TNIK: variants seen among roughly 807,000 people sequenced by gnomAD.
The protein encoded by TNIK is TRAF2 and NCK-interacting protein kinase.
A neutral mutation model predicts 191.3 loss-of-function variants in TNIK; 49 were observed. The observed-to-expected ratio is 0.26, with a 90% CI of 0.20 to 0.32. The LOEUF (loss-of-function observed/expected upper bound fraction) is 0.32. Among genes scored for constraint, TNIK ranks in the 10% least tolerant of loss-of-function variants. The pLI is 1.00. For synonymous variants in TNIK, 594 were observed against 600.9 expected, an observed-to-expected ratio of 0.99 and a Z score of 0.17; for missense variants, 1,155 against 1,702.3, an observed-to-expected ratio of 0.68 and a Z score of 5.66.
At chr3:171,307,060 G>A (rs1753531028) in intron 2 of TNIK, among the ~76,000 whole-genome samples, 1 of 152,106 alleles carries the variant, frequency 6.6e-6, no homozygotes, top group Non-Finnish European at 1.5e-5. Context: ...CACGGCCAGA[G>A]GTTGATAGTA....
At position 171,157,549 on chromosome 3, in the gene TNIK, G is replaced by T; in HGVS notation, c.1132C>A (p.Arg378=). The T allele has an allele frequency of 1.3e-6, 2 of 1,563,430 alleles. No individual in the cohort carries two copies. Among genetic ancestry groups the T allele is most frequent in the Admixed American group, 1.9e-5 (1 of 52,572 alleles). ...LRRQQLEQQQ[R]ENEEHKRQLL... is the part of the protein sequence containing the mutation. ...TGCCGCTTGTGCTCCTCATTCTCCC[G>T]CTGCTGCTGCTCCAGCTGCTGCCTC... The change falls in exon 12 of 33, where the codon CGG becomes AGG. Residue 378 remains arginine (R), a synonymous_variant. Coordinates refer to ENST00000436636, the MANE Select transcript of TNIK (RefSeq NM_015028.4).
chr3:171,282,420 C>A (rs983653925), intron 2 of TNIK, among the ~76,000 whole-genome samples: 2 of 148,980 alleles, frequency 1.3e-5, no homozygotes, highest in South Asian at 2.1e-4. Flanking sequence ...CAGCTCACTG[C>A]AACCTCCAAC....
At chr3:171,300,605 C>T (rs1173764349) in intron 2 of TNIK, among the ~76,000 whole-genome samples, 1 of 152,122 alleles carries the variant, frequency 6.6e-6, no homozygotes, top group Admixed American at 6.5e-5. Flanking sequence ...GCTGATAAAA[C>T]TCACAGTGCA....
intron 1 of TNIK, among the ~76,000 whole-genome samples, chr3:171,388,916 A>G (rs1420541127): frequency 6.6e-6 from 1 of 151,998 alleles, no homozygotes; most frequent in Non-Finnish European, 1.5e-5. Flanking sequence ...TGGTATCTCT[A>G]GTTTTTTAAC....
At chr3:171,314,645 G>T (rs1754403447) in intron 2 of TNIK, among the ~76,000 whole-genome samples, 1 of 152,140 alleles carries the variant, frequency 6.6e-6, no homozygotes, top group Non-Finnish European at 1.5e-5. Flanking sequence ...CTGCATGCCT[G>T]CTGGGTGAGT....
intron 4 of TNIK, among the ~76,000 whole-genome samples, chr3:171,208,330 T>A (rs115069661): frequency 0.011 from 1,636 of 150,988 alleles, 35 homozygotes; most frequent in African/African-American, 0.038. Flanking sequence ...CTAAAAAAAA[T>A]GTACTGAAGA....
intron 2 of TNIK, among the ~76,000 whole-genome samples, chr3:171,335,856 G>T (rs1018806003): frequency 6.6e-6 from 1 of 152,158 alleles, no homozygotes; most frequent in Non-Finnish European, 1.5e-5. Context: ...GCTTTCTAAA[G>T]TGGCACTTTA....
chr3:171,388,286 A>G (rs1219338785), intron 1 of TNIK, among the ~76,000 whole-genome samples: 2 of 152,222 alleles, frequency 1.3e-5, no homozygotes, highest in South Asian at 2.1e-4. Context: ...TTAGAATCTT[A>G]TTTTTATAAA....
At chr3:171,427,656 T>C (rs970851187) in intron 1 of TNIK, among the ~76,000 whole-genome samples, 1 of 152,228 alleles carries the variant, frequency 6.6e-6, no homozygotes, top group Non-Finnish European at 1.5e-5. Flanking sequence ...CTCGCATTAG[T>C]TAAAAATTCA....
intron 3 of TNIK, among the ~76,000 whole-genome samples, chr3:171,213,536 ACTGC>A (rs956002926): frequency 1.3e-5 from 2 of 151,732 alleles, no homozygotes; most frequent in African/African-American, 4.8e-5. Flanking sequence ...GGAGGGGGGG[ACTGC>A]CTATAAAAAG....
chr3:171,272,124 T>C (rs962383669), intron 2 of TNIK, among the ~76,000 whole-genome samples: 3 of 152,166 alleles, frequency 2.0e-5, no homozygotes, highest in Non-Finnish European at 4.4e-5. Context: ...ATAGACAAAC[T>C]AGCTTCCTCT....
intron 1 of TNIK, among the ~76,000 whole-genome samples, chr3:171,377,113 C>G (rs1717370455): frequency 6.6e-6 from 1 of 152,140 alleles, no homozygotes. Flanking sequence ...TAGGCTGATT[C>G]CAGGACACAA....
At chr3:171,174,805 C>G (rs566979514) in intron 9 of TNIK, among the ~76,000 whole-genome samples, 2 of 152,116 alleles carry the variant, frequency 1.3e-5, no homozygotes, top group Admixed American at 1.3e-4. Flanking sequence ...TGCTCATACA[C>G]GAGCCAGAGA....
chr3:171,174,724 G>A (rs1354396267), intron 9 of TNIK, among the ~76,000 whole-genome samples: 2 of 152,088 alleles, frequency 1.3e-5, no homozygotes, highest in African/African-American at 4.8e-5. Flanking sequence ...AAGTTAAATC[G>A]CTGCCCCAAA....
chr3:171,324,325 A>C (rs1755510723), intron 2 of TNIK, among the ~76,000 whole-genome samples: 1 of 152,136 alleles, frequency 6.6e-6, no homozygotes, highest in African/African-American at 2.4e-5. Context: ...TCACTCTTAC[A>C]GGCTTCCTTG....
intron 1 of TNIK, among the ~76,000 whole-genome samples, chr3:171,372,691 C>A (rs940367358): frequency 2.0e-5 from 3 of 152,178 alleles, no homozygotes; most frequent in African/African-American, 7.2e-5. Flanking sequence ...TGACACTGTT[C>A]AGCTGAGGAC....
At chr3:171,331,737 G>A (rs936093214) in intron 2 of TNIK, among the ~76,000 whole-genome samples, 3 of 152,198 alleles carry the variant, frequency 2.0e-5, no homozygotes, top group Non-Finnish European at 4.4e-5. Context: ...TGTGTGAAAT[G>A]CATGAGATCT....
At chr3:171,128,241 G>C (rs1167421423) in intron 16 of TNIK, among the ~76,000 whole-genome samples, 2 of 152,092 alleles carry the variant, frequency 1.3e-5, no homozygotes, top group Non-Finnish European at 2.9e-5. Flanking sequence ...TGATGCTGCT[G>C]GTCCAGTGAT....
chr3:171,421,391 T>C (rs1009802015), intron 1 of TNIK, among the ~76,000 whole-genome samples: 25 of 152,312 alleles, frequency 1.6e-4, no homozygotes, highest in African/African-American at 5.1e-4. Flanking sequence ...GGAAAGAGTC[T>C]ACCAGCTTAT....
Sources: gnomAD v4.1 joint callset for allele counts (sites outside exome capture counted in the v4.1 genomes callset) on GRCh38, gnomAD v4.1.1 for gene constraint, MANE v1.5 for transcripts, NCBI Gene and HGNC (gene_info 2026-07-23, HGNC 2026-07-21) for gene names.